The following LARGE1 variants were observed in gnomAD, a reference collection of about 807,000 sequenced individuals.
LARGE1 encodes the protein LARGE xylosyl- and glucuronyltransferase 1.
LARGE1 carries 43 observed loss-of-function variants against 87.6 expected under a neutral mutation model. That is an observed-to-expected ratio of 0.49 (90% CI 0.38 to 0.63). LARGE1 has a LOEUF of 0.63. LARGE1 is among the 30% of genes least tolerant of loss of function. The probability of loss-of-function intolerance (pLI) is 0.00; values close to 1 mark genes in which losing one functional copy is unlikely to be tolerated. For synonymous variants in LARGE1, 434 were observed against 394.6 expected (o/e 1.10, Z -1.18); for missense variants, 802 against 1,000.2 (o/e 0.80, Z 2.67).
At chr22:33,747,176 G>A (rs559081607) in intron 2 of LARGE1, among the ~76,000 whole-genome samples, 1 of 152,274 alleles carries the variant, frequency 6.6e-6, no homozygotes, top group African/African-American at 2.4e-5. Context: ...AGCAGCTAAA[G>A]GCAAGTCCAG....
chr22:33,327,736 C>G (rs981353549), intron 10 of LARGE1, among the ~76,000 whole-genome samples: 1 of 152,112 alleles, frequency 6.6e-6, no homozygotes, highest in African/African-American at 2.4e-5. Context: ...GAGACGAGGT[C>G]TCACTATGGT....
In LARGE1 at chr22:33,272,699, C is replaced by A. The variant is rs1928395764; in HGVS notation, c.*1728G>T. 6.6e-6 allele frequency among the ~76,000 whole-genome samples: 1 copy of A among 152,092 alleles called. No homozygotes were observed. Among genetic ancestry groups the A allele is most frequent in the African/African-American group, 2.4e-5 (1 of 41,400 alleles). ...TCTTGTATAAATTTCCGTGTAACAT[C>A]CACTTGAGCATGTAACATCGTGAGT... is the stretch of plus-strand genomic sequence containing the variant. On this transcript the variant is annotated 3_prime_UTR_variant, in exon 15 of 15. Coordinates refer to ENST00000397394, the MANE Select transcript of LARGE1 (RefSeq NM_133642.5).
intron 11 of LARGE1, among the ~76,000 whole-genome samples, chr22:33,227,398 C>T (rs1568981105): frequency 2.0e-5 from 3 of 152,130 alleles, no homozygotes; most frequent in African/African-American, 4.8e-5. Flanking sequence ...ATGATGTGTC[C>T]ACTCTTTCCA....
chr22:33,181,498 C>T (rs559262656), intron 11 of LARGE1, among the ~76,000 whole-genome samples: 13 of 151,308 alleles, frequency 8.6e-5, no homozygotes, highest in African/African-American at 2.2e-4. Flanking sequence ...ACATTCTTCA[C>T]GTGAGCACAT....
intron 2 of LARGE1, among the ~76,000 whole-genome samples, chr22:33,742,514 C>A (rs2145544046): frequency 6.6e-6 from 1 of 152,310 alleles, no homozygotes; most frequent in Admixed American, 6.5e-5. Flanking sequence ...TAGGAGCCCA[C>A]TTGGTCTGAG....
intron 11 of LARGE1, among the ~76,000 whole-genome samples, chr22:33,261,839 C>T (rs879150727): frequency 6.6e-6 from 1 of 152,220 alleles, no homozygotes; most frequent in Admixed American, 6.5e-5. Context: ...TCAAACTCTA[C>T]AGCAACCAGT....
At chr22:33,142,376 G>C in the LARGE1 span, among the ~76,000 whole-genome samples, 1 of 152,070 alleles carries the variant, frequency 6.6e-6, no homozygotes, top group African/African-American at 2.4e-5. Context: ...TTTCTCGTGG[G>C]TCTATTGCTT....
At chr22:33,794,341 A>C (rs1376104575) in intron 1 of LARGE1, among the ~76,000 whole-genome samples, 9 of 152,208 alleles carry the variant, frequency 5.9e-5, no homozygotes, top group Non-Finnish European at 5.9e-5. Flanking sequence ...CACCAATCCC[A>C]GGTGGGCCCC....
intron 2 of LARGE1, among the ~76,000 whole-genome samples, chr22:33,710,114 ACTACC>A (rs1384730514): frequency 6.6e-6 from 1 of 152,162 alleles, no homozygotes; most frequent in African/African-American, 2.4e-5. Context: ...CGAGCAAAGA[ACTACC>A]CTGGGCACTT....
intron 4 of LARGE1, among the ~76,000 whole-genome samples, chr22:33,623,332 G>A (rs2079815119): frequency 6.6e-6 from 1 of 152,088 alleles, no homozygotes; most frequent in Non-Finnish European, 1.5e-5. Flanking sequence ...AATGTGGAAA[G>A]GGCATCTCAC....
At chr22:33,837,316 G>A (rs185737142) in intron 1 of LARGE1, among the ~76,000 whole-genome samples, 2 of 149,216 alleles carry the variant, frequency 1.3e-5, no homozygotes, top group Non-Finnish European at 3.0e-5. Context: ...ATATGGATAC[G>A]AACAGGATAT....
rs184270042 is a variant in LARGE1, at chr22:33,793,283, G to T, written c.-82-31725C>A. On this transcript the variant is annotated intron_variant, in intron 1 of 14. Coordinates refer to ENST00000397394, the MANE Select transcript of LARGE1 (RefSeq NM_133642.5). ...AAATATCATGGCTGGAGGAGAAAAGGAAACAGCCAACCACCCCACATCTGA... is the reference window on the plus strand; with the variant it reads ...AAATATCATGGCTGGAGGAGAAAAGTAAACAGCCAACCACCCCACATCTGA... Among the ~76,000 whole-genome samples, 15 of 152,216 alleles carry T rather than the reference G, an allele frequency of 9.9e-5. No individual in the cohort carries two copies. The East Asian group carries it at 2.9e-3, about 29-fold the overall frequency.
chr22:33,710,658 T>G (rs1225074396), intron 2 of LARGE1, among the ~76,000 whole-genome samples: 1 of 152,212 alleles, frequency 6.6e-6, no homozygotes, highest in Non-Finnish European at 1.5e-5. Flanking sequence ...AGGAATAGAA[T>G]GATGCAAATT....
intron 6 of LARGE1, among the ~76,000 whole-genome samples, chr22:33,490,331 C>T (rs925895776): frequency 7.2e-5 from 11 of 152,124 alleles, no homozygotes; most frequent in Admixed American, 7.2e-4. Flanking sequence ...AAGAGGAATC[C>T]CTGTCATTTT....
intron 3 of LARGE1, among the ~76,000 whole-genome samples, chr22:33,643,804 A>G (rs978823541): frequency 6.6e-6 from 1 of 152,236 alleles, no homozygotes; most frequent in Non-Finnish European, 1.5e-5. Flanking sequence ...ATAAACTAGG[A>G]AATCTAGAAG....
chr22:33,789,093 G>T (rs2085739863), intron 1 of LARGE1, among the ~76,000 whole-genome samples: 1 of 152,204 alleles, frequency 6.6e-6, no homozygotes, highest in African/African-American at 2.4e-5. Context: ...TCACATCACA[G>T]GCTTGGAGGC....
intron 5 of LARGE1, among the ~76,000 whole-genome samples, chr22:33,578,922 C>T (rs2078430590): frequency 6.6e-6 from 1 of 152,122 alleles, no homozygotes; most frequent in Admixed American, 6.5e-5. Flanking sequence ...AGTCATACAC[C>T]TTCTCAGAAC....
chr22:33,897,531 G>A (rs944439904), intron 1 of LARGE1, among the ~76,000 whole-genome samples: 5 of 152,260 alleles, frequency 3.3e-5, no homozygotes, highest in Middle Eastern at 3.4e-3. Flanking sequence ...ACGGGAATAC[G>A]CAAGGGAGGC....
intron 11 of LARGE1, among the ~76,000 whole-genome samples, chr22:33,240,010 C>T (rs137480): frequency 0.69 from 105,225 of 152,080 alleles, 37,602 homozygotes; most frequent in African/African-American, 0.88. Context: ...GGGAGCCAGA[C>T]GCCTATGAGT....
Sources: allele counts gnomAD v4.1 joint callset (sites outside exome capture counted in the v4.1 genomes callset), GRCh38; gene constraint gnomAD v4.1.1; transcripts MANE v1.5; gene names NCBI Gene and HGNC (gene_info 2026-07-23, HGNC 2026-07-21).